CLUAP1: variants seen among roughly 807,000 people sequenced by gnomAD.
CLUAP1 encodes clusterin-associated protein 1.
In CLUAP1, 50 loss-of-function variants were observed where a neutral mutation model predicts 55.0. That is an observed-to-expected ratio of 0.91 (90% CI 0.72 to 1.15). CLUAP1 has a LOEUF of 1.15. Ranked by LOEUF, CLUAP1 falls within the 50% of genes most tolerant of loss-of-function variation. CLUAP1 has a pLI of 0.00. For synonymous variants in CLUAP1, 195 were observed against 175.4 expected (o/e 1.11, Z -0.88); for missense variants, 530 against 507.6 (o/e 1.04, Z -0.42).
chr16:3,519,293 G>A (rs1227131261), intron 6 of CLUAP1, among the ~76,000 whole-genome samples: 2 of 152,228 alleles, frequency 1.3e-5, no homozygotes, highest in African/African-American at 2.4e-5. Flanking sequence ...GTGCACACCA[G>A]TGTGGCCATT....
At chr16:3,521,875 C>T (rs528100521) in intron 7 of CLUAP1, among the ~76,000 whole-genome samples, 83 of 151,894 alleles carry the variant, frequency 5.5e-4, no homozygotes, top group African/African-American at 1.7e-3. Context: ...GGCAATATGG[C>T]GAAACCCCAT....
intron 2 of CLUAP1, 92 bp downstream of exon 2, chr16:3,504,923 A>C: frequency 1.2e-6 from 1 of 825,216 alleles, no homozygotes; most frequent in Admixed American, 2.0e-5. Context: ...GATGCTGCAA[A>C]AGGGAAAGTT....
chr16:3,506,923 G>T (rs1356016818), intron 3 of CLUAP1, among the ~76,000 whole-genome samples: 7 of 152,140 alleles, frequency 4.6e-5, no homozygotes, highest in Admixed American at 4.6e-4. Flanking sequence ...TATGCCAGGT[G>T]TGGTGGCTCA....
Position 3,538,932 on chromosome 16 carries a change from A to T in CLUAP1, c.*2661A>T, listed in dbSNP as rs745849388. 1 of 152,234 alleles carries T rather than the reference A, an allele frequency of 6.6e-6. No homozygotes were observed. Among genetic ancestry groups the T allele is most frequent in the Non-Finnish European group, 1.5e-5 (1 of 68,036 alleles). The allele number at this position is 152,234 out of a possible 1,614,324, so 9.4% of individuals were successfully genotyped here. A position where few individuals can be genotyped will look rare whatever the true frequency, so the allele number is the denominator to read the frequency against. The stretch of plus-strand genomic sequence containing the variant: ...GAGGATGGTTGTGATTAGGTCAAAT[A>T]GAAAACTAGCAGGCCATTGCTGACA... On this transcript the variant is annotated 3_prime_UTR_variant, in exon 12 of 12. Coordinates refer to ENST00000576634, the MANE Select transcript of CLUAP1 (RefSeq NM_015041.3).
intron 9 of CLUAP1, chr16:3,530,329 G>A: frequency 2.3e-6 from 1 of 434,280 alleles, no homozygotes; most frequent in Non-Finnish European, 4.2e-6. Context: ...TCTCAGGTCT[G>A]TATTGGTTTG....
intron 6 of CLUAP1, among the ~76,000 whole-genome samples, chr16:3,518,454 A>G (rs1323066589): frequency 6.6e-6 from 1 of 152,262 alleles, no homozygotes; most frequent in African/African-American, 2.4e-5. Flanking sequence ...TTTGGGGAGT[A>G]CAGGCCATTT....
rs2151057181 is a variant in CLUAP1, at chr16:3,519,947, T to C, written c.624T>C (p.Ser208=). 6.8e-6 allele frequency: 11 copies of C among 1,613,694 alleles called. No homozygotes were observed. The highest frequency in any genetic ancestry group is 9.3e-6 in the Non-Finnish European group (11 of 1,179,862). ...KTKDLLNNVA[S]DEANLEAKIE... Reference sequence around the variant, plus strand: ...AAGACCTGCTCAATAATGTGGCCTCTGATGAAGCTAATTTAGAAGCCAAAA... The same window carrying C: ...AAGACCTGCTCAATAATGTGGCCTCCGATGAAGCTAATTTAGAAGCCAAAA... Residue 208 remains serine (S), a synonymous_variant, in exon 7 of 12, where the codon TCT becomes TCC. Transcript: ENST00000576634.
intron 4 of CLUAP1, among the ~76,000 whole-genome samples, chr16:3,510,434 C>G (rs958298840): frequency 3.3e-5 from 5 of 152,178 alleles, no homozygotes; most frequent in African/African-American, 1.2e-4. Context: ...CGCGCCTGTC[C>G]TCACATGTGG....
At chr16:3,532,169 T>C (rs2038134554) in intron 10 of CLUAP1, among the ~76,000 whole-genome samples, 1 of 152,178 alleles carries the variant, frequency 6.6e-6, no homozygotes, top group South Asian at 2.1e-4. Context: ...CTATGTCATA[T>C]TCCTAGCAGG....
At chr16:3,508,561 T>C in intron 4 of CLUAP1, 93 bp downstream of exon 4, 2 of 1,205,410 alleles carry the variant, frequency 1.7e-6, no homozygotes, top group Admixed American at 3.1e-5. Context: ...GCTGCTTTTC[T>C]TCCTCCTCAG....
chr16:3,496,529 G>A, upstream of CLUAP1: 1 of 563,648 alleles, frequency 1.8e-6, no homozygotes, highest in Non-Finnish European at 3.4e-6. Flanking sequence ...TGACCAGCCG[G>A]CCCACAGCGG....
chr16:3,505,865 G>A lies in CLUAP1; in HGVS notation c.135-466G>A, dbSNP rs572868168. Among the ~76,000 whole-genome samples the A allele has an allele frequency of 9.3e-4, 141 of 152,296 alleles. 3 individuals carry two copies. Among genetic ancestry groups the A allele is most frequent in the African/African-American group, 3.2e-3 (133 of 41,544 alleles). On this transcript the variant is annotated intron_variant, in intron 2 of 11. Transcript: ENST00000576634. ...ATAAAATTCATAAGATCTCTATTGC[G>A]TCTCTTCTTTTTGTTAAAATGTAAA...
intron 7 of CLUAP1, among the ~76,000 whole-genome samples, 166 bp downstream of exon 7, chr16:3,520,202 A>G (rs776746868): frequency 3.3e-5 from 5 of 151,838 alleles, no homozygotes; most frequent in Admixed American, 6.6e-5. Flanking sequence ...ATGAAACCCC[A>G]TCTCTAAAAA....
At chr16:3,529,103 G>A (rs2151066188) in intron 9 of CLUAP1, among the ~76,000 whole-genome samples, 1 of 151,946 alleles carries the variant, frequency 6.6e-6, no homozygotes, top group South Asian at 2.1e-4. Context: ...AAAATCCACA[G>A]ATGTTCAAGT....
At chr16:3,516,516 G>A (rs1284687927) in intron 6 of CLUAP1, among the ~76,000 whole-genome samples, 1 of 152,056 alleles carries the variant, frequency 6.6e-6, no homozygotes, top group Non-Finnish European at 1.5e-5. Flanking sequence ...AAGGATAATG[G>A]AGCCACGTTC....
rs370488387 is a variant in CLUAP1, at chr16:3,504,825, T to A, written c.128T>A (p.Val43Glu). The stretch of plus-strand genomic sequence containing the variant: ...GTATCTGAAGTGCTTCTCTGGCTTG[T>A]GAAAAGGTTCGAACGGCACTTTATT... ...GLVSEVLLWL[V>E]KRYEPQTDIP... The change falls in exon 2 of 12, where the codon GTG (valine) becomes GAG (glutamate). Residue 43 changes from valine to glutamate, a missense_variant. Transcript: ENST00000576634. 2 of 1,593,870 alleles carry A rather than the reference T, an allele frequency of 1.3e-6. No homozygotes were observed. Among genetic ancestry groups the A allele is most frequent in the Middle Eastern group, 1.7e-4 (1 of 6,044 alleles).
intron 1 of CLUAP1, among the ~76,000 whole-genome samples, chr16:3,501,305 A>G (rs2037395796): frequency 3.3e-5 from 5 of 152,338 alleles, no homozygotes; most frequent in Admixed American, 2.0e-4. Context: ...AAAGTTCTCT[A>G]TCTGCCACTG....
chr16:3,500,077 C>G (rs572673556), upstream of CLUAP1, among the ~76,000 whole-genome samples: 42 of 152,378 alleles, frequency 2.8e-4, no homozygotes, highest in Non-Finnish European at 1.5e-4. Flanking sequence ...GGCTGCTGTG[C>G]CACGCCTGGC....
intron 5 of CLUAP1, among the ~76,000 whole-genome samples, chr16:3,514,120 G>T (rs998610652): frequency 2.0e-4 from 31 of 152,204 alleles, no homozygotes; most frequent in African/African-American, 7.2e-4. Context: ...TAGTGCAGTG[G>T]TGTACATATG....
Sources: gnomAD v4.1 joint callset for allele counts (sites outside exome capture counted in the v4.1 genomes callset) on GRCh38, gnomAD v4.1.1 for gene constraint, MANE v1.5 for transcripts, NCBI Gene and HGNC (gene_info 2026-07-23, HGNC 2026-07-21) for gene names.